Variants in ARHGAP15 observed in about 807,000 individuals in gnomAD.
ARHGAP15 encodes the protein Rho GTPase activating protein 15, also known as rho GTPase-activating protein 15.
Under a neutral mutation model 63.7 loss-of-function variants are expected in ARHGAP15, and 51 were observed. That is an observed-to-expected ratio of 0.80 (90% CI 0.64 to 1.01). The LOEUF (loss-of-function observed/expected upper bound fraction) is 1.01. ARHGAP15 is among the 50% of genes least tolerant of loss of function. The probability of loss-of-function intolerance (pLI) is 0.00; values close to 1 mark genes in which losing one functional copy is unlikely to be tolerated. For missense variants in ARHGAP15, 560 were observed against 564.6 expected, an observed-to-expected ratio of 0.99 and a Z score of 0.08; for synonymous variants, 191 against 193.8, an observed-to-expected ratio of 0.99 and a Z score of 0.12.
intron 9 of ARHGAP15, among the ~76,000 whole-genome samples, chr2:143,490,208 C>G (rs1459650716): frequency 6.6e-6 from 1 of 152,076 alleles, no homozygotes; most frequent in Non-Finnish European, 1.5e-5. Flanking sequence ...ACCGTGTTAG[C>G]CAGGATGGTC....
chr2:143,622,973 C>T (rs11693600), intron 11 of ARHGAP15, among the ~76,000 whole-genome samples: 73,777 of 151,894 alleles, frequency 0.49, 19,145 homozygotes, highest in Non-Finnish European at 0.59. Context: ...CATGTGAATG[C>T]GAGCCCAAGA....
intron 6 of ARHGAP15, among the ~76,000 whole-genome samples, chr2:143,381,496 G>GA (rs1203585792): frequency 9.9e-5 from 15 of 152,216 alleles, no homozygotes; most frequent in Non-Finnish European, 1.9e-4. Flanking sequence ...GGTTAATGTA[G>GA]AAAAATAAAT....
intron 11 of ARHGAP15, among the ~76,000 whole-genome samples, chr2:143,615,404 C>G (rs10496950): frequency 0.24 from 36,865 of 152,078 alleles, 4,881 homozygotes; most frequent in Middle Eastern, 0.31. Context: ...ACACATATCA[C>G]CAACATAGTA....
intron 5 of ARHGAP15, among the ~76,000 whole-genome samples, chr2:143,239,199 A>C (rs1442616069): frequency 6.6e-6 from 1 of 152,204 alleles, no homozygotes; most frequent in Non-Finnish European, 1.5e-5. Context: ...GGAAGAAAAA[A>C]AATGTATTTT....
intron 5 of ARHGAP15, among the ~76,000 whole-genome samples, chr2:143,248,689 A>G (rs1694146417): frequency 6.6e-6 from 1 of 152,198 alleles, no homozygotes; most frequent in Admixed American, 6.5e-5. Flanking sequence ...TTTTGTGTCC[A>G]TGTGTTAGCC....
chr2:143,482,248 CAA>C (rs945359662), intron 8 of ARHGAP15, among the ~76,000 whole-genome samples: 1 of 151,276 alleles, frequency 6.6e-6, no homozygotes, highest in African/African-American at 2.4e-5. Flanking sequence ...AATAAAAACT[CAA>C]AGTGGGAATG....
At chr2:143,203,330 T>A (rs1397064360) in intron 3 of ARHGAP15, among the ~76,000 whole-genome samples, 1 of 152,178 alleles carries the variant, frequency 6.6e-6, no homozygotes, top group South Asian at 2.1e-4. Flanking sequence ...CTGTTTCCAA[T>A]TTCTGCCCTC....
intron 10 of ARHGAP15, among the ~76,000 whole-genome samples, chr2:143,532,042 A>C (rs531836259): frequency 1.3e-5 from 2 of 152,330 alleles, no homozygotes; most frequent in Admixed American, 1.3e-4. Flanking sequence ...TGCTGAAATG[A>C]AGGCTGATAT....
At chr2:143,456,523 C>CTA (rs1558983911) in intron 8 of ARHGAP15, among the ~76,000 whole-genome samples, 3 of 151,734 alleles carry the variant, frequency 2.0e-5, no homozygotes, top group African/African-American at 7.3e-5. Context: ...TGTAATCAAT[C>CTA]TATATATATT....
chr2:143,371,291 G>A (rs1481797513), intron 6 of ARHGAP15, among the ~76,000 whole-genome samples: 1 of 152,108 alleles, frequency 6.6e-6, no homozygotes, highest in African/African-American at 2.4e-5. Flanking sequence ...CATGCATTAG[G>A]TAGATAAATT....
chr2:143,599,180 A>C (rs1023253974), intron 11 of ARHGAP15, among the ~76,000 whole-genome samples: 1 of 152,154 alleles, frequency 6.6e-6, no homozygotes, highest in Non-Finnish European at 1.5e-5. Context: ...ATTGTTTGCT[A>C]TGGAGTAAAT....
chr2:143,369,077 G>T (rs1686427377), intron 6 of ARHGAP15, among the ~76,000 whole-genome samples: 1 of 152,094 alleles, frequency 6.6e-6, no homozygotes, highest in South Asian at 2.1e-4. Flanking sequence ...AAAAAATATT[G>T]CACAGACATT....
intron 12 of ARHGAP15, among the ~76,000 whole-genome samples, chr2:143,691,040 G>A (rs1165473175): frequency 1.3e-5 from 2 of 152,122 alleles, no homozygotes; most frequent in South Asian, 2.1e-4. Flanking sequence ...GACAGCGGAC[G>A]GACGTACTCT....
intron 11 of ARHGAP15, among the ~76,000 whole-genome samples, chr2:143,568,066 C>G (rs916678034): frequency 6.6e-6 from 1 of 151,968 alleles, no homozygotes; most frequent in Admixed American, 6.6e-5. Flanking sequence ...CCATAAAAAC[C>G]CTAGAAGAAA....
chr2:143,443,696 G>T (rs1403344165), intron 8 of ARHGAP15, among the ~76,000 whole-genome samples: 1 of 152,116 alleles, frequency 6.6e-6, no homozygotes, highest in African/African-American at 2.4e-5. Context: ...TGTTAAAGCT[G>T]CAAGATGTAA....
chr2:143,582,208 G>A (rs1322554118), intron 11 of ARHGAP15, among the ~76,000 whole-genome samples: 2 of 152,174 alleles, frequency 1.3e-5, no homozygotes, highest in African/African-American at 4.8e-5. Flanking sequence ...GGAAGCATGA[G>A]GCAAAAGGGT....
chr2:143,687,811 TA>T (rs1481349683), intron 12 of ARHGAP15, among the ~76,000 whole-genome samples: 2 of 152,056 alleles, frequency 1.3e-5, no homozygotes, highest in African/African-American at 4.8e-5. Flanking sequence ...AAATAAATTT[TA>T]AAAATGAAAA....
At chr2:143,282,719 A>G (rs887384953) in intron 6 of ARHGAP15, among the ~76,000 whole-genome samples, 4 of 152,138 alleles carry the variant, frequency 2.6e-5, no homozygotes, top group African/African-American at 9.7e-5. Context: ...AGAGAGGTTA[A>G]ATAACTTGCC....
At chr2:143,315,888 C>T (rs973738566) in intron 6 of ARHGAP15, among the ~76,000 whole-genome samples, 2 of 141,614 alleles carry the variant, frequency 1.4e-5, no homozygotes, top group African/African-American at 6.3e-5. Context: ...AGTTCAAGAT[C>T]AGCCTGGCCA....
Sources: allele counts gnomAD v4.1 joint callset (sites outside exome capture counted in the v4.1 genomes callset), GRCh38; gene constraint gnomAD v4.1.1; transcripts MANE v1.5; gene names NCBI Gene and HGNC (gene_info 2026-07-23, HGNC 2026-07-21).